SRRM2: variants seen among roughly 807,000 people sequenced by gnomAD.
SRRM2 encodes the protein serine/arginine repetitive matrix protein 2.
In SRRM2, 30 loss-of-function variants were observed where a neutral mutation model predicts 213.8. The observed-to-expected ratio is 0.14, with a 90% confidence interval of 0.10 to 0.19. The LOEUF is 0.19. Among genes scored for constraint, SRRM2 ranks in the 10% least tolerant of loss-of-function variants. SRRM2 has a pLI of 1.00. For missense variants in SRRM2, 4,904 were observed against 3,647.0 expected (o/e 1.34, Z -8.88); for synonymous variants, 2,025 against 1,377.7 (o/e 1.47, Z -10.40).
Position 2,766,657 on chromosome 16 carries a change from A to C in SRRM2, c.6129A>C (p.Arg2043=). The part of the protein sequence containing the change: ...RTPLLPRKRS[R]SRSPLAIRRR... The stretch of plus-strand genomic sequence containing the variant: ...CACTGTTACCACGCAAACGTTCTCG[A>C]AGTCGCTCACCACTTGCTATCCGCC... The change falls in exon 11 of 15, where the codon CGA becomes CGC. Residue 2043 remains arginine, a synonymous_variant. Coordinates refer to ENST00000301740, the MANE Select transcript of SRRM2 (RefSeq NM_016333.4). This position sits in a 1 kb window ranked among gnomAD's most constrained non-coding sequence, Gnocchi z 7.0. 6.2e-7 allele frequency: 1 copy of C among 1,613,632 alleles called. No individual in the cohort carries two copies. The highest frequency in any genetic ancestry group is 8.5e-7 in the Non-Finnish European group (1 of 1,179,862).
At position 2,763,948 on chromosome 16, in the gene SRRM2, T is replaced by C; in HGVS notation, c.3420T>C (p.Ser1140=). The C allele has an allele frequency of 6.2e-7, 1 of 1,614,124 alleles. No individual in the cohort carries two copies. ...GMSPEQSRFQ[S]DSSSYPTVDS... ...CTCCTGAGCAGAGCAGGTTCCAGTC[T>C]GACTCTTCTTCATATCCTACAGTGG... Residue 1140 remains serine, a synonymous_variant, in exon 11 of 15, where the codon TCT becomes TCC. Transcript: ENST00000301740.
At position 2,759,338 on chromosome 16, in the gene SRRM2, T is replaced by G. The variant is rs1293870875; in HGVS notation, c.690-14T>G. 2 of 1,608,176 alleles carry G rather than the reference T, an allele frequency of 1.2e-6. No individual in the cohort carries two copies. The highest frequency in any genetic ancestry group is 2.2e-5 in the South Asian group (2 of 89,170). On this transcript the variant is annotated splice_polypyrimidine_tract_variant and intron_variant, in intron 7 of 14. Coordinates refer to ENST00000301740, the MANE Select transcript of SRRM2 (RefSeq NM_016333.4). ...TAAAGAAGTTACTTTTAACAACCTT[T>G]CCTTATTTCCCAGGTCTCCCACTCC...
At position 2,762,317 on chromosome 16, in the gene SRRM2, A is replaced by G. The variant is rs1176275662; in HGVS notation, c.1789A>G (p.Arg597Gly). 1 of 1,614,072 alleles carries G rather than the reference A, an allele frequency of 6.2e-7. No individual in the cohort carries two copies. The highest frequency in any genetic ancestry group is 8.5e-7 in the Non-Finnish European group (1 of 1,179,982). Residue 597 changes from arginine (R) to glycine (G), a missense_variant, in exon 11 of 15, where the codon AGA becomes GGA. Arg to Gly is a moderately radical substitution (Grantham distance 125). Transcript: ENST00000301740. ...RTPARRRSRS[R>G]TPTRRRSRSR... is the part of the protein sequence containing the mutation. ...ACCTGCCAGGCGGAGATCACGATCCAGAACTCCCACCAGGCGTAGGTCTCG... is the reference window on the plus strand; with the variant it reads ...ACCTGCCAGGCGGAGATCACGATCCGGAACTCCCACCAGGCGTAGGTCTCG...
rs983080150 is a variant in SRRM2, at chr16:2,769,129, C to G, written c.7866C>G (p.Ser2622=). Residue 2622 remains serine, a synonymous_variant, in exon 12 of 15, where the codon TCC becomes TCG. Transcript: ENST00000301740. Reference sequence around the variant, plus strand: ...CCTCCTCTTCATCTTCCTCCTCCTCCTCCTCCTCCTCTTCTTCCTCCTCCT... The same window carrying G: ...CCTCCTCTTCATCTTCCTCCTCCTCGTCCTCCTCCTCTTCTTCCTCCTCCT... ...SSSSSSSSSS[S]SSSSSSSSSS... is the part of the protein sequence containing the mutation. 15 of 1,612,888 alleles carry G rather than the reference C, an allele frequency of 9.3e-6. No individual in the cohort carries two copies. The highest frequency in any genetic ancestry group is 1.3e-5 in the African/African-American group (1 of 74,868).
chr16:2,760,315 C>T lies in SRRM2; in HGVS notation c.848C>T (p.Ala283Val), dbSNP rs1236698757. 5 of 1,613,482 alleles carry T rather than the reference C, an allele frequency of 3.1e-6. No homozygotes were observed. The highest frequency in any genetic ancestry group is 1.3e-5 in the African/African-American group (1 of 74,888). ...DTSRSRSRSA[A>V]AKTHTTALAG... Reference sequence around the variant, plus strand: ...AACTCCTGCAGGTCTCGAAGTGCTGCAGCTAAAACTCATACAACTGCCTTG... The same window carrying T: ...AACTCCTGCAGGTCTCGAAGTGCTGTAGCTAAAACTCATACAACTGCCTTG... The change falls in exon 10 of 15, where the codon GCA becomes GTA. Residue 283 changes from alanine to valine, a missense_variant. Transcript: ENST00000301740.
intron 1 of SRRM2, chr16:2,753,317 A>C (rs1191527689): frequency 1.3e-5 from 2 of 152,192 alleles, no homozygotes; most frequent in Non-Finnish European, 2.9e-5. Context: ...GGCCTCCCAG[A>C]CTGCGGGACG....
intron 1 of SRRM2, 57 bp from the exon 2 acceptor site, chr16:2,756,277 G>A (rs1391694961): frequency 1.1e-5 from 16 of 1,417,310 alleles, no homozygotes; most frequent in East Asian, 2.5e-5. Flanking sequence ...GGTGTGGGGC[G>A]GTAAGTGGTT....
chr16:2,769,420 TCTCCTCTCCCCATG>T (rs1567248542), intron 12 of SRRM2, 136 bp downstream of exon 12: 1 of 993,926 alleles, frequency 1.0e-6, no homozygotes, highest in East Asian at 2.4e-5. Context: ...AGGCACTTGC[TCTCCTCTCCCCATG>T]CTCGTTGCAC....
chr16:2,753,067 CGTTCGCAGCCGCCTGTACTCGG>C lies in SRRM2; in HGVS notation c.-32+228_-32+249del, dbSNP rs540441174. Among the ~76,000 whole-genome samples the C allele has an allele frequency of 1.5e-3, 228 of 148,272 alleles. 3 individuals carry two copies. The East Asian group carries it at 0.038, about 24-fold the overall frequency. ...CCCCGCCCCTCCCCCATGACAACGG[CGTTCGCAGCCGCCTGTACTCGG>C]GTTCGCGAGCGCCCTTGGTGAGGGG... On this transcript the variant is annotated intron_variant, in intron 1 of 14. Coordinates refer to ENST00000301740, the MANE Select transcript of SRRM2 (RefSeq NM_016333.4).
At chr16:2,752,928 C>T (rs1302935346) in intron 1 of SRRM2, 82 bp downstream of exon 1, 4 of 162,892 alleles carry the variant, frequency 2.5e-5, no homozygotes, top group East Asian at 1.9e-4. Flanking sequence ...GGAGAACTGC[C>T]CAGGCCGCCG....
Position 2,766,002 on chromosome 16 carries a change from C to T in SRRM2, c.5474C>T (p.Pro1825Leu). ...GGCTCTGGTTATCACTCAAGGTCAC[C>T]TGCCCGGCAGGAAAGTTCCCGGACC... Reference protein sequence around the residue: ...RGGSGYHSRSPARQESSRTSS... With the variant: ...RGGSGYHSRSLARQESSRTSS... Residue 1825 changes from proline to leucine, a missense_variant, in exon 11 of 15, where the codon CCT (proline) becomes CTT (leucine). Coordinates refer to ENST00000301740, the MANE Select transcript of SRRM2 (RefSeq NM_016333.4). This position sits in a 1 kb window ranked among gnomAD's most constrained non-coding sequence, Gnocchi z 7.0. 6.2e-7 allele frequency: 1 copy of T among 1,614,144 alleles called. No individual in the cohort carries two copies. Among genetic ancestry groups the T allele is most frequent in the Non-Finnish European group, 8.5e-7 (1 of 1,180,018 alleles).
Position 2,762,459 on chromosome 16 carries a change from G to T in SRRM2, c.1931G>T (p.Ser644Ile), listed in dbSNP as rs188730163. ...RSRSRSPARR[S>I]GRSRSRTPAR... is the part of the protein sequence containing the mutation. ...CGTAGTAGATCACCAGCCAGGAGAA[G>T]TGGCAGGTCACGCTCTAGAACCCCA... Residue 644 changes from serine (S) to isoleucine (I), a missense_variant, in exon 11 of 15, where the codon AGT becomes ATT. By Grantham distance (142) the Ser-to-Ile change is moderately radical (BLOSUM62 -2). Coordinates refer to ENST00000301740, the MANE Select transcript of SRRM2 (RefSeq NM_016333.4). The T allele has an allele frequency of 8.1e-6, 13 of 1,613,898 alleles. No homozygotes were observed. Among genetic ancestry groups the T allele is most frequent in the African/African-American group, 1.3e-5 (1 of 74,862 alleles).
intron 10 of SRRM2, chr16:2,760,751 G>A (rs1437035850): frequency 6.4e-6 from 3 of 466,332 alleles, no homozygotes; most frequent in Non-Finnish European, 1.2e-5. Context: ...TACATAGATA[G>A]AACTGGAACA....
At position 2,770,913 on chromosome 16, in the gene SRRM2, AG is replaced by A. The variant is rs767940066; in HGVS notation, c.*48del. 1.5e-5 allele frequency: 24 copies of A among 1,612,334 alleles called. No individual in the cohort carries two copies. The East Asian group carries it at 5.3e-4, about 36-fold the overall frequency. On this transcript the variant is annotated 3_prime_UTR_variant, in exon 15 of 15. Transcript: ENST00000301740. ...CCACACCCAATGCTCTGGAGCCACA[AG>A]GAGTGTCCCTTCTTCCCCAGCAGAG...
In SRRM2 at chr16:2,761,588, C is replaced by G. The variant is rs147112290; in HGVS notation, c.1060C>G (p.Pro354Ala). 73 of 1,517,648 alleles carry G rather than the reference C, an allele frequency of 4.8e-5. No individual in the cohort carries two copies. The highest frequency in any genetic ancestry group is 6.0e-5 in the Non-Finnish European group (68 of 1,135,638). The allele number at this position is 1,517,648 out of a possible 1,614,324, so 94.0% of individuals were successfully genotyped here. The change falls in exon 11 of 15, where the codon CCG becomes GCG. Residue 354 changes from proline to alanine, a missense_variant. Coordinates refer to ENST00000301740, the MANE Select transcript of SRRM2 (RefSeq NM_016333.4). Reference sequence around the variant, plus strand: ...ATCTGCAACTCGACCTAGCCCCTCTCCGGAAAGGAGCAGCACAGGCCCAGA... The same window carrying G: ...ATCTGCAACTCGACCTAGCCCCTCTGCGGAAAGGAGCAGCACAGGCCCAGA... The part of the protein sequence containing the change: ...EKSATRPSPS[P>A]ERSSTGPEPP...
In SRRM2 at chr16:2,767,269, A is replaced by G. The variant is rs761569729; in HGVS notation, c.6741A>G (p.Thr2247=). The change falls in exon 11 of 15, where the codon ACA becomes ACG. Residue 2247 remains threonine, a synonymous_variant. Coordinates refer to ENST00000301740, the MANE Select transcript of SRRM2 (RefSeq NM_016333.4). ...AAAMNLASAR[T]PAIPTAVNLA... is the part of the protein sequence containing the mutation. ...CCATGAACCTAGCCAGCGCCAGGAC[A>G]CCTGCCATTCCAACAGCAGTGAACC... 3.1e-6 allele frequency: 5 copies of G among 1,613,116 alleles called. No individual in the cohort carries two copies. The highest frequency in any genetic ancestry group is 1.3e-5 in the African/African-American group (1 of 75,026).
In SRRM2 at chr16:2,769,105, CTCCTCT is replaced by C. The variant is rs1448731983; in HGVS notation, c.7845_7850del (p.Ser2647_Ser2648del). ...GCTCTAGCAGTTCCAGTTCCAGCTCCTCCTCTTCATCTTCCTCCTCCTCCTCCTCCT... is the reference window on the plus strand; with the variant it reads ...GCTCTAGCAGTTCCAGTTCCAGCTCCTCATCTTCCTCCTCCTCCTCCTCCT... On this transcript the variant is annotated inframe_deletion, in exon 12 of 15. Coordinates refer to ENST00000301740, the MANE Select transcript of SRRM2 (RefSeq NM_016333.4). 4 of 1,613,874 alleles carry C rather than the reference CTCCTCT, an allele frequency of 2.5e-6. No individual in the cohort carries two copies. The highest frequency in any genetic ancestry group is 3.4e-6 in the Non-Finnish European group (4 of 1,179,964).
chr16:2,764,871 G>C lies in SRRM2; in HGVS notation c.4343G>C (p.Arg1448Thr), dbSNP rs1567235443. 1 of 1,614,206 alleles carries C rather than the reference G, an allele frequency of 6.2e-7. No homozygotes were observed. Reference protein sequence around the residue: ...RSRSGSSPGLRDGSGTPSRHS... With the variant: ...RSRSGSSPGLTDGSGTPSRHS... ...AGGTCTGGGTCTTCTCCAGGACTTA[G>C]AGATGGGTCTGGGACTCCCTCGAGG... Residue 1448 changes from arginine (R) to threonine (T), a missense_variant, in exon 11 of 15, where the codon AGA (arginine) becomes ACA (threonine). Transcript: ENST00000301740.
At chr16:2,755,134 T>G (rs759906446) in intron 1 of SRRM2, among the ~76,000 whole-genome samples, 2 of 152,176 alleles carry the variant, frequency 1.3e-5, no homozygotes, top group Non-Finnish European at 2.9e-5. Context: ...TTGGAGAGGA[T>G]GAGGGTGAGA....
Sources: allele counts gnomAD v4.1 joint callset (sites outside exome capture counted in the v4.1 genomes callset), GRCh38; gene constraint gnomAD v4.1.1; non-coding constraint Gnocchi (gnomAD v3.1); transcripts MANE v1.5; gene names NCBI Gene and HGNC (gene_info 2026-07-23, HGNC 2026-07-21).